FEZ2: variants seen among roughly 807,000 people sequenced by gnomAD.
FEZ2 encodes fasciculation and elongation protein zeta 2.
In FEZ2, 51 loss-of-function variants were observed where a neutral mutation model predicts 40.4. That is an observed-to-expected ratio of 1.26 (90% CI 1.01 to 1.59). The LOEUF (loss-of-function observed/expected upper bound fraction) is 1.59. FEZ2 is among the 40% of genes most tolerant of loss of function. The pLI is 0.00. For missense variants in FEZ2, 640 were observed against 438.3 expected (o/e 1.46, Z -4.11); for synonymous variants, 242 against 172.0 (o/e 1.41, Z -3.18).
intron 5 of FEZ2, among the ~76,000 whole-genome samples, chr2:36,575,127 C>T (rs1290019080): frequency 1.3e-5 from 2 of 152,136 alleles, no homozygotes; most frequent in Non-Finnish European, 2.9e-5. Flanking sequence ...TGCCTTTCTC[C>T]GTCATTAGAC....
At chr2:36,580,955 C>T (rs537698546) in intron 4 of FEZ2, among the ~76,000 whole-genome samples, 4 of 152,136 alleles carry the variant, frequency 2.6e-5, no homozygotes, top group Admixed American at 6.5e-5. Flanking sequence ...AGTTCGAGAC[C>T]AGCCTGGCCA....
chr2:36,566,114 G>A lies in FEZ2; in HGVS notation c.904-7601C>T, dbSNP rs74986269. The stretch of plus-strand genomic sequence containing the variant: ...ATCAATTAATGTTTGCCTAATAGTA[G>A]TATAAGAAAAGTTCAGGAGATGGAG... On this transcript the variant is annotated intron_variant, in intron 5 of 7. Transcript: ENST00000405912. Among the ~76,000 whole-genome samples the A allele has an allele frequency of 6.0e-3, 909 of 152,276 alleles. 10 individuals are homozygous for A. The highest frequency in any genetic ancestry group is 0.021 in the African/African-American group (859 of 41,554).
chr2:36,594,952 G>T (rs139819990), intron 1 of FEZ2, among the ~76,000 whole-genome samples: 109 of 152,334 alleles, frequency 7.2e-4, no homozygotes, highest in Middle Eastern at 6.8e-3. Context: ...CAACTCTAGT[G>T]AAAGATTTCT....
chr2:36,586,950 T>A (rs573954803), intron 2 of FEZ2, among the ~76,000 whole-genome samples: 5 of 152,206 alleles, frequency 3.3e-5, no homozygotes, highest in Non-Finnish European at 7.4e-5. Flanking sequence ...TCTCTCAATC[T>A]ATCAATCAAT....
intron 4 of FEZ2, among the ~76,000 whole-genome samples, chr2:36,579,820 A>G (rs1200283150): frequency 1.3e-5 from 2 of 152,192 alleles, no homozygotes; most frequent in Admixed American, 6.5e-5. Flanking sequence ...TTTTCTCAGC[A>G]CTTCTGCCCC....
At chr2:36,554,230 G>A (rs1344779875) in intron 7 of FEZ2, 31 of 471,112 alleles carry the variant, frequency 6.6e-5, no homozygotes, top group Admixed American at 5.9e-4. Flanking sequence ...CTTCCCTAAG[G>A]CATGCGGTAT....
chr2:36,558,765 T>C (rs1483563705), intron 5 of FEZ2: 2 of 283,606 alleles, frequency 7.1e-6, no homozygotes, highest in Non-Finnish European at 1.3e-5. Flanking sequence ...ATTTCAGTTA[T>C]TGAAAATTTC....
Position 36,567,846 on chromosome 2 carries a change from G to T in FEZ2, c.904-9333C>A, listed in dbSNP as rs551081810. 6.0e-4 allele frequency among the ~76,000 whole-genome samples: 92 copies of T among 152,132 alleles called. 1 individual carries two copies. Among genetic ancestry groups the T allele is most frequent in the African/African-American group, 2.2e-3 (91 of 41,530 alleles). On this transcript the variant is annotated intron_variant, in intron 5 of 7. Transcript: ENST00000405912. ...GAGATCAGTGAACTAGAAGGATAAA[G>T]GAAAAGAGAGACCAGGGCAGTGAGA...
At chr2:36,559,033 G>A (rs1252015931) in intron 5 of FEZ2, 1 of 152,150 alleles carries the variant, frequency 6.6e-6, no homozygotes, top group Non-Finnish European at 1.5e-5. Context: ...GCTTCTTTCA[G>A]AAGCTAACAA....
At position 36,578,635 on chromosome 2, in the gene FEZ2, G is replaced by C. The variant is rs1273618427; in HGVS notation, c.865C>G (p.Gln289Glu). The change falls in exon 5 of 8, where the codon CAG becomes GAG. Residue 289 changes from glutamine to glutamate, a missense_variant. By Grantham distance (29) the Gln-to-Glu change is conservative (BLOSUM62 2). Coordinates refer to ENST00000405912, the MANE Select transcript of FEZ2 (RefSeq NM_005102.3). Reference sequence around the variant, plus strand: ...TGACTTCTCTCATTCTTCCCATTCTGAGAGCTGCCATTTTTTAGTTTCTTT... The same window carrying C: ...TGACTTCTCTCATTCTTCCCATTCTCAGAGCTGCCATTTTTTAGTTTCTTT... The part of the protein sequence containing the change: ...KKKKLKNGSS[Q>E]NGKNERSHMP... The C allele has an allele frequency of 6.2e-7, 1 of 1,613,454 alleles. No homozygotes were observed. Among genetic ancestry groups the C allele is most frequent in the South Asian group, 1.1e-5 (1 of 90,960 alleles).
chr2:36,597,761 G>T, intron 1 of FEZ2, 116 bp downstream of exon 1: 1 of 740,648 alleles, frequency 1.4e-6, no homozygotes, highest in South Asian at 4.5e-5. Context: ...AGAGGGCGGG[G>T]ACTCCCGCGT....
intron 5 of FEZ2, chr2:36,560,972 TA>T (rs1213169055): frequency 1.2e-5 from 7 of 579,396 alleles, no homozygotes; most frequent in African/African-American, 1.9e-5. Context: ...GGCAAGCAGT[TA>T]GAAAATGCCA....
At chr2:36,558,593 G>T (rs577147078) in intron 5 of FEZ2, 80 bp from the exon 6 acceptor site, 2 of 713,328 alleles carry the variant, frequency 2.8e-6, no homozygotes, top group Middle Eastern at 2.7e-4. Context: ...TTACTAGAAG[G>T]TCTATCTGAT....
chr2:36,584,497 G>A (rs1462232035), intron 2 of FEZ2, among the ~76,000 whole-genome samples: 1 of 152,110 alleles, frequency 6.6e-6, no homozygotes, highest in African/African-American at 2.4e-5. Flanking sequence ...ATGAACAAGG[G>A]AACATCTGTC....
intron 6 of FEZ2, chr2:36,556,020 CA>C (rs375057966): frequency 5.2e-6 from 3 of 579,642 alleles, no homozygotes; most frequent in Non-Finnish European, 1.0e-5. Flanking sequence ...ACAGTGGAGA[CA>C]AAAAAAGAGG....
intron 5 of FEZ2, among the ~76,000 whole-genome samples, chr2:36,574,843 C>G (rs1668516151): frequency 6.6e-6 from 1 of 152,098 alleles, no homozygotes; most frequent in African/African-American, 2.4e-5. Flanking sequence ...CCTCCAGATG[C>G]TGCAAAAAAG....
chr2:36,591,079 A>G lies in FEZ2; in HGVS notation c.267-68T>C, dbSNP rs1669059318. 5 of 947,370 alleles carry G rather than the reference A, an allele frequency of 5.3e-6. No homozygotes were observed. The South Asian group carries it at 5.6e-5, about 11-fold the overall frequency. The allele number at this position is 947,370 out of a possible 1,614,324, so 58.7% of individuals were successfully genotyped here. A position where few individuals can be genotyped will look rare whatever the true frequency, so the allele number is the denominator to read the frequency against. ...GTATGTCTTTCTTAAACAAATATTC[A>G]GTGAAAGATGAACAGCAAATGTCAA... On this transcript the variant is annotated intron_variant, in intron 1 of 7. Coordinates refer to ENST00000405912, the MANE Select transcript of FEZ2 (RefSeq NM_005102.3).
chr2:36,556,020 CAAAA>C, intron 6 of FEZ2: 1 of 579,652 alleles, frequency 1.7e-6, no homozygotes, highest in South Asian at 1.5e-5. Context: ...ACAGTGGAGA[CAAAA>C]AAAGAGGAAC....
intron 5 of FEZ2, among the ~76,000 whole-genome samples, chr2:36,569,916 C>T (rs970771910): frequency 6.6e-6 from 1 of 152,156 alleles, no homozygotes. Flanking sequence ...ACTCTTACTT[C>T]ATTAATATTC....
Sources: allele counts gnomAD v4.1 joint callset (sites outside exome capture counted in the v4.1 genomes callset), GRCh38; gene constraint gnomAD v4.1.1; transcripts MANE v1.5; gene names NCBI Gene and HGNC (gene_info 2026-07-23, HGNC 2026-07-21).